Variants in FARS2 observed in about 807,000 individuals in gnomAD.
The protein encoded by FARS2 is phenylalanine--tRNA ligase, mitochondrial.
In FARS2, 40 loss-of-function variants were observed where a neutral mutation model predicts 46.4. The ratio of observed to expected loss-of-function variants is 0.86; its 90% CI spans 0.67 to 1.12. The LOEUF is 1.12. Ranked by LOEUF, FARS2 falls within the 50% of genes most tolerant of loss-of-function variation. The probability of loss-of-function intolerance (pLI) is 0.00; values close to 1 mark genes in which losing one functional copy is unlikely to be tolerated. For missense variants in FARS2, 513 were observed against 567.9 expected (o/e 0.90, Z 0.98); for synonymous variants, 234 against 214.9 (o/e 1.09, Z -0.78).
chr6:5,277,374 T>C (rs948750812), intron 1 of FARS2, among the ~76,000 whole-genome samples: 4 of 152,216 alleles, frequency 2.6e-5, no homozygotes, highest in African/African-American at 9.7e-5. Flanking sequence ...AGAATGACTA[T>C]ATTTTTCAGT....
chr6:5,251,177 T>TAC, the FARS2 span, among the ~76,000 whole-genome samples: 237 of 151,868 alleles, frequency 1.6e-3, no homozygotes, highest in Middle Eastern at 3.4e-3. Flanking sequence ...AATATATACA[T>TAC]ACACACACAC....
the FARS2 span, among the ~76,000 whole-genome samples, chr6:5,250,820 T>C: frequency 6.6e-6 from 1 of 152,262 alleles, no homozygotes; most frequent in Non-Finnish European, 1.5e-5. Context: ...ACATATGGTA[T>C]AATAAAAGAG....
chr6:5,322,173 A>G (rs1224568754), intron 1 of FARS2, among the ~76,000 whole-genome samples: 1 of 152,240 alleles, frequency 6.6e-6, no homozygotes, highest in Non-Finnish European at 1.5e-5. Context: ...TAAATTTAAC[A>G]TGGGAAGCAA....
chr6:5,380,029 A>C (rs189633413), intron 2 of FARS2, among the ~76,000 whole-genome samples: 1 of 152,314 alleles, frequency 6.6e-6, no homozygotes, highest in East Asian at 1.9e-4. Context: ...TCATTTATGC[A>C]ATTACATGAG....
intron 6 of FARS2, among the ~76,000 whole-genome samples, chr6:5,722,955 C>T (rs1213965926): frequency 6.6e-6 from 1 of 152,150 alleles, no homozygotes; most frequent in East Asian, 1.9e-4. Context: ...TTACTAAAAC[C>T]TCAGAGCTAT....
intron 3 of FARS2, among the ~76,000 whole-genome samples, chr6:5,422,671 C>T (rs1250842744): frequency 1.3e-5 from 2 of 152,220 alleles, no homozygotes; most frequent in Non-Finnish European, 2.9e-5. Flanking sequence ...ATATGCCAGC[C>T]TCACATCAGC....
intron 5 of FARS2, among the ~76,000 whole-genome samples, chr6:5,611,399 G>A (rs1479251290): frequency 6.6e-6 from 1 of 152,110 alleles, no homozygotes; most frequent in African/African-American, 2.4e-5. Context: ...GGGCAGTGGG[G>A]AGCCACAGGA....
intron 6 of FARS2, among the ~76,000 whole-genome samples, chr6:5,673,160 T>G (rs1287942877): frequency 6.6e-6 from 1 of 152,192 alleles, no homozygotes; most frequent in Non-Finnish European, 1.5e-5. Flanking sequence ...CTGAAGGAAT[T>G]TGGGGAAGCA....
intron 5 of FARS2, among the ~76,000 whole-genome samples, chr6:5,602,062 A>G (rs1406159785): frequency 6.6e-6 from 1 of 152,218 alleles, no homozygotes; most frequent in Non-Finnish European, 1.5e-5. Context: ...ACAGTAACTT[A>G]GCCTAAAGGG....
chr6:5,709,730 T>TTGTGG (rs1554128002), intron 6 of FARS2, among the ~76,000 whole-genome samples: 10,313 of 96,724 alleles, frequency 0.11, 1,276 homozygotes, highest in African/African-American at 0.3. Flanking sequence ...GGGGGTGGGG[T>TTGTGG]TGTGTGTGTG....
At chr6:5,321,209 T>C (rs1413122595) in intron 1 of FARS2, among the ~76,000 whole-genome samples, 2 of 152,246 alleles carry the variant, frequency 1.3e-5, no homozygotes, top group Non-Finnish European at 2.9e-5. Context: ...GATGTCACTA[T>C]GTACCTTCCA....
At chr6:5,322,987 A>G (rs752421033) in intron 1 of FARS2, among the ~76,000 whole-genome samples, 3 of 152,172 alleles carry the variant, frequency 2.0e-5, no homozygotes, top group Non-Finnish European at 2.9e-5. Flanking sequence ...CCTTACCAAA[A>G]ACAATTGTTT....
At chr6:5,255,386 A>G in the FARS2 span, among the ~76,000 whole-genome samples, 1 of 152,228 alleles carries the variant, frequency 6.6e-6, no homozygotes, top group Admixed American at 6.5e-5. Context: ...AGAGACTTGC[A>G]CTAGTGTCAA....
intron 6 of FARS2, among the ~76,000 whole-genome samples, chr6:5,735,507 C>T (rs1319953891): frequency 6.6e-6 from 1 of 152,152 alleles, no homozygotes; most frequent in Non-Finnish European, 1.5e-5. Context: ...CTTGACCTCT[C>T]GGGGCCTCCG....
intron 6 of FARS2, among the ~76,000 whole-genome samples, chr6:5,687,201 A>G (rs1022534855): frequency 6.6e-6 from 1 of 152,124 alleles, no homozygotes; most frequent in Admixed American, 6.5e-5. Flanking sequence ...TCTTTAGTTT[A>G]ATTAGATCCC....
chr6:5,490,924 C>T (rs1434462785), intron 4 of FARS2, among the ~76,000 whole-genome samples: 1 of 152,174 alleles, frequency 6.6e-6, no homozygotes, highest in Non-Finnish European at 1.5e-5. Context: ...TCAAGAGAGA[C>T]CTGGAAAGCT....
chr6:5,477,340 CTCAT>C (rs1255692685), intron 4 of FARS2, among the ~76,000 whole-genome samples: 1 of 152,198 alleles, frequency 6.6e-6, no homozygotes, highest in Admixed American at 6.5e-5. Flanking sequence ...TATTCCCTAT[CTCAT>C]TACCCTAGCT....
intron 1 of FARS2, among the ~76,000 whole-genome samples, chr6:5,296,989 G>A (rs561644072): frequency 6.6e-6 from 1 of 152,306 alleles, no homozygotes; most frequent in East Asian, 1.9e-4. Flanking sequence ...AATTTTTCAG[G>A]AACCTCCATA....
chr6:5,686,405 A>G (rs867193031), intron 6 of FARS2, among the ~76,000 whole-genome samples: 5 of 149,136 alleles, frequency 3.4e-5, no homozygotes, highest in Admixed American at 6.7e-5. Context: ...TCCTGTGTCC[A>G]TGTGTTCTCA....
Sources: gnomAD v4.1 joint callset for allele counts (sites outside exome capture counted in the v4.1 genomes callset) on GRCh38, gnomAD v4.1.1 for gene constraint, MANE v1.5 for transcripts, NCBI Gene and HGNC (gene_info 2026-07-23, HGNC 2026-07-21) for gene names.